PAQR3: variants seen among roughly 807,000 people sequenced by gnomAD.
PAQR3 encodes progestin and adipoQ receptor family member 3.
A neutral mutation model predicts 41.7 loss-of-function variants in PAQR3; 39 were observed. The observed-to-expected ratio is 0.93, with a 90% CI of 0.72 to 1.22. The LOEUF is 1.22. PAQR3 is among the 50% of genes most tolerant of loss of function. The probability of loss-of-function intolerance (pLI) is 0.00; values close to 1 mark genes in which losing one functional copy is unlikely to be tolerated. For synonymous variants in PAQR3, 140 were observed against 140.6 expected, an observed-to-expected ratio of 1.00 and a Z score of 0.03; for missense variants, 366 against 385.6, an observed-to-expected ratio of 0.95 and a Z score of 0.42.
intron 5 of PAQR3, among the ~76,000 whole-genome samples, chr4:78,920,988 GAAC>G (rs1357287159): frequency 9.9e-5 from 15 of 151,964 alleles, no homozygotes; most frequent in Middle Eastern, 6.8e-3. Context: ...TTGATGGAAT[GAAC>G]AACAACAAAA....
At chr4:78,907,922 C>G (rs1340502367), downstream of PAQR3, among the ~76,000 whole-genome samples, 1 of 152,132 alleles carries the variant, frequency 6.6e-6, no homozygotes, top group Non-Finnish European at 1.5e-5. Flanking sequence ...GTTTCACAGT[C>G]AGGGATGATG....
chr4:78,892,960 T>C (rs1206408266), intron 11 of PAQR3, among the ~76,000 whole-genome samples: 2 of 152,220 alleles, frequency 1.3e-5, no homozygotes, highest in African/African-American at 4.8e-5. Flanking sequence ...GGGGTGGCTA[T>C]GGTAATTTCT....
In PAQR3 at chr4:78,916,726, TTAAAAC is replaced by T. The variant is rs1293089193; in HGVS notation, c.*3807_*3812del. 1.3e-5 allele frequency: 2 copies of T among 151,912 alleles called. No individual in the cohort carries two copies. Among genetic ancestry groups the T allele is most frequent in the African/African-American group, 2.4e-5 (1 of 41,418 alleles). 9.4% of individuals were successfully genotyped at this position (151,912 alleles called of 1,614,324 possible). On this transcript the variant is annotated 3_prime_UTR_variant, in exon 6 of 6. Transcript: ENST00000512733. ...CCACATTATAAATTTTTAAAAATCT[TTAAAAC>T]TGATAACATCTTTGGCTGAATTAAT...
At chr4:78,906,367 C>G (rs187507290) in intron 10 of PAQR3, among the ~76,000 whole-genome samples, 7 of 151,832 alleles carry the variant, frequency 4.6e-5, no homozygotes, top group Non-Finnish European at 8.8e-5. Flanking sequence ...TGTAGGGGGG[C>G]AAAATAAGTA....
At chr4:78,933,167 G>C (rs1560583184) in intron 2 of PAQR3, 1 of 456,168 alleles carries the variant, frequency 2.2e-6, no homozygotes, top group Non-Finnish European at 4.4e-6. Flanking sequence ...ACACCTACGA[G>C]TGGCTTGACC....
At chr4:78,893,743 T>C (rs1056776090) in intron 11 of PAQR3, among the ~76,000 whole-genome samples, 4 of 152,156 alleles carry the variant, frequency 2.6e-5, no homozygotes, top group Non-Finnish European at 5.9e-5. Flanking sequence ...TTTAAAGTTT[T>C]CCTTAGAGTT....
intron 1 of PAQR3, among the ~76,000 whole-genome samples, chr4:78,935,742 T>G (rs556847093): frequency 6.6e-6 from 1 of 152,352 alleles, no homozygotes; most frequent in Admixed American, 6.5e-5. Flanking sequence ...ACCTGCTCAG[T>G]GCAAGGTTAG....
At chr4:78,923,155 A>C (rs1265575836) in intron 5 of PAQR3, among the ~76,000 whole-genome samples, 1 of 151,564 alleles carries the variant, frequency 6.6e-6, no homozygotes. Flanking sequence ...AAGTGATCCT[A>C]CATCTCACTT....
At chr4:78,926,478 A>AG in intron 4 of PAQR3, 43 bp downstream of exon 4, 1 of 1,495,472 alleles carries the variant, frequency 6.7e-7, no homozygotes, top group Non-Finnish European at 9.2e-7. Flanking sequence ...TAAAATTGAA[A>AG]GGAAAAAAAA....
chr4:78,924,363 A>T (rs1460143039), intron 4 of PAQR3, among the ~76,000 whole-genome samples: 1 of 152,150 alleles, frequency 6.6e-6, no homozygotes, highest in Non-Finnish European at 1.5e-5. Flanking sequence ...CTTGAATACT[A>T]CTATATGAAG....
intron 4 of PAQR3, among the ~76,000 whole-genome samples, chr4:78,926,304 A>G (rs1266697754): frequency 1.3e-5 from 2 of 152,154 alleles, no homozygotes; most frequent in African/African-American, 4.8e-5. Flanking sequence ...TTACAGAAAG[A>G]CAACTCAGAG....
chr4:78,907,659 G>A (rs1014538143), downstream of PAQR3, among the ~76,000 whole-genome samples: 1 of 152,122 alleles, frequency 6.6e-6, no homozygotes. Context: ...TTTTGTGTAG[G>A]ACTCATTAGC....
chr4:78,908,551 T>C (rs1201089063), downstream of PAQR3, among the ~76,000 whole-genome samples: 1 of 152,220 alleles, frequency 6.6e-6, no homozygotes, highest in Non-Finnish European at 1.5e-5. Flanking sequence ...TTTAGTCTTG[T>C]GGCTCTCTCT....
downstream of PAQR3, among the ~76,000 whole-genome samples, chr4:78,906,950 T>G (rs1023004927): frequency 6.6e-6 from 1 of 152,168 alleles, no homozygotes; most frequent in African/African-American, 2.4e-5. Context: ...GTAGCTGTGT[T>G]AATTACCCAT....
Position 78,918,994 on chromosome 4 carries a change from G to A in PAQR3, c.*1545C>T. 1 of 984,918 alleles carries A rather than the reference G, an allele frequency of 1.0e-6. No individual in the cohort carries two copies. The highest frequency in any genetic ancestry group is 1.2e-6 in the Non-Finnish European group (1 of 829,628). The allele number at this position is 984,918 out of a possible 1,614,324, so 61.0% of individuals were successfully genotyped here. A position where few individuals can be genotyped will look rare whatever the true frequency, so the allele number is the denominator to read the frequency against. ...AGCCTTCCATCATAACGATGGGTAA[G>A]ACACGGTATTCCTTTACTGAGCCTC... On this transcript the variant is annotated 3_prime_UTR_variant, in exon 6 of 6. Coordinates refer to ENST00000512733, the MANE Select transcript of PAQR3 (RefSeq NM_001040202.2).
chr4:78,930,880 T>TTATATATATATATA (rs147412098), intron 2 of PAQR3, among the ~76,000 whole-genome samples: 3 of 150,278 alleles, frequency 2.0e-5, no homozygotes, highest in Non-Finnish European at 4.5e-5. Context: ...CATGCACACA[T>TTATATATATATATA]TATATATATA....
At chr4:78,892,715 T>C (rs1485572969) in intron 11 of PAQR3, among the ~76,000 whole-genome samples, 1 of 152,168 alleles carries the variant, frequency 6.6e-6, no homozygotes, top group Non-Finnish European at 1.5e-5. Context: ...GGGACACACA[T>C]TTTTTTGTTT....
intron 1 of PAQR3, among the ~76,000 whole-genome samples, chr4:78,938,341 GT>G (rs1218267085): frequency 3.9e-5 from 6 of 152,154 alleles, no homozygotes; most frequent in Non-Finnish European, 8.8e-5. Context: ...AGGGACTGTG[GT>G]TTTAAAGGTT....
Position 78,939,274 on chromosome 4 carries a change from C to T in PAQR3, c.-50G>A. Reference sequence around the variant, plus strand: ...GGCTCGGGAGCTCCCCCAGGTCCCGCCTCCCCGGGGAGGGGGCTTCGCCGC... The same window carrying T: ...GGCTCGGGAGCTCCCCCAGGTCCCGTCTCCCCGGGGAGGGGGCTTCGCCGC... On this transcript the variant is annotated 5_prime_UTR_variant, in exon 1 of 6. Transcript: ENST00000512733. 1 of 1,536,934 alleles carries T rather than the reference C, an allele frequency of 6.5e-7. No individual in the cohort carries two copies. Among genetic ancestry groups the T allele is most frequent in the Non-Finnish European group, 8.7e-7 (1 of 1,143,736 alleles).
Sources: allele counts gnomAD v4.1 joint callset (sites outside exome capture counted in the v4.1 genomes callset), GRCh38; gene constraint gnomAD v4.1.1; transcripts MANE v1.5; gene names NCBI Gene and HGNC (gene_info 2026-07-23, HGNC 2026-07-21).